ACOX1: variants seen among roughly 807,000 people sequenced by gnomAD.
ACOX1 encodes the protein peroxisomal acyl-coenzyme A oxidase 1.
Under a neutral mutation model 75.5 loss-of-function variants are expected in ACOX1, and 41 were observed. The observed-to-expected ratio is 0.54, with a 90% CI of 0.42 to 0.70. ACOX1 has a LOEUF of 0.70. ACOX1 is among the 30% of genes least tolerant of loss of function. The pLI, the probability that ACOX1 is intolerant of heterozygous loss-of-function variation, is 0.00. For synonymous variants in ACOX1, 303 were observed against 298.8 expected, an observed-to-expected ratio of 1.01 and a Z score of -0.15; for missense variants, 630 against 837.5, an observed-to-expected ratio of 0.75 and a Z score of 3.06.
At chr17:75,977,736 TATTC>T (rs1379365673) in intron 2 of ACOX1, among the ~76,000 whole-genome samples, 1 of 152,074 alleles carries the variant, frequency 6.6e-6, no homozygotes, top group African/African-American at 2.4e-5. Flanking sequence ...TTAGACTTTC[TATTC>T]ATTCAGAGGC....
In ACOX1 at chr17:75,950,264, G is replaced by A. The variant is rs1426360734; in HGVS notation, c.1299-367C>T. Among the ~76,000 whole-genome samples, 1 of 140,936 alleles carries A rather than the reference G, an allele frequency of 7.1e-6. No homozygotes were observed. The highest frequency in any genetic ancestry group is 2.1e-4 in the East Asian group (1 of 4,658). 92.5% of individuals were successfully genotyped at this position (140,936 alleles called of 152,430 possible). The stretch of plus-strand genomic sequence containing the variant: ...CACCACACCTGGCCTTTTTTTTTTT[G>A]ATGGAGTTTTCGCTCTTGTTGCCCA... On this transcript the variant is annotated intron_variant, in intron 9 of 13. Transcript: ENST00000293217. This position sits in a 1 kb window ranked among gnomAD's most constrained non-coding sequence, Gnocchi z 4.3.
rs1325041399 is a variant in ACOX1, at chr17:75,960,894, C to G, written c.270-519G>C. Among the ~76,000 whole-genome samples the G allele has an allele frequency of 6.6e-6, 1 of 152,162 alleles. No individual in the cohort carries two copies. The highest frequency in any genetic ancestry group is 1.5e-5 in the Non-Finnish European group (1 of 68,038). On this transcript the variant is annotated intron_variant, in intron 2 of 13. Transcript: ENST00000293217. The surrounding 1 kb of genome is among the most constrained non-coding windows in gnomAD (Gnocchi z 4.4). The stretch of plus-strand genomic sequence containing the variant: ...TTGGGAGCCTGAGGCAGGAAAATCG[C>G]TTGAACCTAGGAGGCGGAGGTTGCA...
intron 2 of ACOX1, among the ~76,000 whole-genome samples, chr17:75,977,335 G>A (rs773555784): frequency 2.0e-5 from 3 of 151,896 alleles, no homozygotes; most frequent in Admixed American, 2.0e-4. Context: ...GTTCCTTGTG[G>A]AGCAGGGTGG....
In ACOX1 at chr17:75,960,250, A is replaced by C; in HGVS notation, c.395T>G (p.Ile132Ser). The C allele has an allele frequency of 1.9e-6, 3 of 1,614,166 alleles. No homozygotes were observed. The highest frequency in any genetic ancestry group is 2.5e-6 in the Non-Finnish European group (3 of 1,180,018). The change falls in exon 3 of 14, where the codon ATC becomes AGC. Residue 132 changes from isoleucine (I) to serine (S), a missense_variant. Ile to Ser is a moderately radical substitution (Grantham distance 142). Around this residue, in one of 2 missense-constraint regions of ACOX1, gnomAD observed 390 missense variants for 574.9 expected, o/e 0.68. Transcript: ENST00000293217. This position sits in a 1 kb window ranked among gnomAD's most constrained non-coding sequence, Gnocchi z 4.4. ...RFFMPAWNLE[I>S]IGTYAQTEMG... Reference sequence around the variant, plus strand: ...CTCTGTCTGGGCATAAGTGCCAATGATCTCCAAGTTCCAGGCGGGCATGAA... The same window carrying C: ...CTCTGTCTGGGCATAAGTGCCAATGCTCTCCAAGTTCCAGGCGGGCATGAA...
rs114161619 is a variant in ACOX1, at chr17:75,960,493, G to A, written c.270-118C>T. On this transcript the variant is annotated intron_variant, in intron 2 of 13. Transcript: ENST00000293217. The surrounding 1 kb of genome is among the most constrained non-coding windows in gnomAD (Gnocchi z 4.4). ...AAAACCTTAAGTATGAATTAGTTGCGTGCACTTAATCATAGATGGGAGCAC... is the reference window on the plus strand; with the variant it reads ...AAAACCTTAAGTATGAATTAGTTGCATGCACTTAATCATAGATGGGAGCAC... 9.2e-4 allele frequency: 918 copies of A among 999,970 alleles called. 5 individuals carry two copies. In the African/African-American group the frequency reaches 0.011, roughly 12 times the overall value. 61.9% of individuals were successfully genotyped at this position (999,970 alleles called of 1,614,324 possible). A position where few individuals can be genotyped will look rare whatever the true frequency, so the allele number is the denominator to read the frequency against.
chr17:75,965,418 T>C (rs1245244434), intron 2 of ACOX1, among the ~76,000 whole-genome samples: 1 of 138,800 alleles, frequency 7.2e-6, no homozygotes, highest in Non-Finnish European at 1.6e-5. Context: ...AGGAAAGAAA[T>C]AGCTTCCCAA....
At chr17:75,967,618 AC>A in intron 2 of ACOX1, among the ~76,000 whole-genome samples, 1 of 130,576 alleles carries the variant, frequency 7.7e-6, no homozygotes, top group Non-Finnish European at 1.5e-5. Flanking sequence ...ATATATACAT[AC>A]ATATATATAT....
chr17:75,979,158 C>G lies in ACOX1; in HGVS notation c.-85G>C. 1.9e-6 allele frequency: 3 copies of G among 1,546,446 alleles called. No individual in the cohort carries two copies. Among genetic ancestry groups the G allele is most frequent in the East Asian group, 2.4e-5 (1 of 42,084 alleles). On this transcript the variant is annotated 5_prime_UTR_variant, in exon 1 of 14. Transcript: ENST00000293217. ...CCGCAGCTCCAGCGCCGGCCGGACCCTAGGAGGCAGCCTCAGGACGGCGCA... is the reference window on the plus strand; with the variant it reads ...CCGCAGCTCCAGCGCCGGCCGGACCGTAGGAGGCAGCCTCAGGACGGCGCA...
chr17:75,949,740 C>CTTCGGTTAGGCTT lies in ACOX1; in HGVS notation c.1443_1455dup (p.Ala486LysfsTer7). 1 of 1,614,132 alleles carries CTTCGGTTAGGCTT rather than the reference C, an allele frequency of 6.2e-7. No individual in the cohort carries two copies. The highest frequency in any genetic ancestry group is 8.5e-7 in the Non-Finnish European group (1 of 1,180,028). On this transcript the variant is annotated frameshift_variant, in exon 10 of 14. Coordinates refer to ENST00000293217, the MANE Select transcript of ACOX1 (RefSeq NM_004035.7). LOFTEE classifies it high-confidence loss of function. ...CACCTGGCTGCACGGAGTTTATATG[C>CTTCGGTTAGGCTT]TTCGGTTAGGCTTTCGGGGCTGTTG...
chr17:75,965,578 C>T (rs775841685), intron 2 of ACOX1, among the ~76,000 whole-genome samples: 23 of 143,618 alleles, frequency 1.6e-4, no homozygotes, highest in African/African-American at 2.3e-4. Flanking sequence ...ACCAAATACA[C>T]GTATCTTGAA....
intron 2 of ACOX1, among the ~76,000 whole-genome samples, chr17:75,968,133 G>C (rs56188825): frequency 0.05 from 7,518 of 151,276 alleles, 205 homozygotes; most frequent in East Asian, 0.095. Flanking sequence ...AAAACATTAA[G>C]TGTTAGAAAT....
At chr17:75,976,090 G>A (rs1206501289) in intron 2 of ACOX1, among the ~76,000 whole-genome samples, 2 of 152,052 alleles carry the variant, frequency 1.3e-5, no homozygotes, top group Non-Finnish European at 2.9e-5. Flanking sequence ...TTATATAACC[G>A]AGGCTTTAAC....
intron 6 of ACOX1, among the ~76,000 whole-genome samples, chr17:75,954,657 T>C (rs1340818786): frequency 9.5e-5 from 13 of 136,946 alleles, no homozygotes; most frequent in Admixed American, 1.5e-4. Flanking sequence ...CTGCAACCTC[T>C]GCCTCCTGGG....
In ACOX1 at chr17:75,951,398, T is replaced by C. The variant is rs1185695992; in HGVS notation, c.1107+17A>G. 3 of 1,613,946 alleles carry C rather than the reference T, an allele frequency of 1.9e-6. No individual in the cohort carries two copies. Among genetic ancestry groups the C allele is most frequent in the Middle Eastern group, 3.4e-4 (2 of 5,964 alleles). ...AAACAGAAGGGTGCCCATGAGTGAA[T>C]GAGACCAAACTCATACCTCAGGCAG... On this transcript the variant is annotated intron_variant, in intron 8 of 13. Transcript: ENST00000293217.
intron 2 of ACOX1, among the ~76,000 whole-genome samples, chr17:75,964,334 G>A (rs2065912198): frequency 6.6e-6 from 1 of 152,066 alleles, no homozygotes; most frequent in Non-Finnish European, 1.5e-5. Flanking sequence ...AACCTGGAAG[G>A]TGAAAACTGA....
chr17:75,954,046 ATC>A (rs542969253), intron 6 of ACOX1, among the ~76,000 whole-genome samples: 25 of 152,176 alleles, frequency 1.6e-4, no homozygotes, highest in Non-Finnish European at 3.1e-4. Context: ...GTGAAACCCC[ATC>A]TCTACTAAAA....
At chr17:75,975,428 G>A (rs1306034024) in intron 2 of ACOX1, among the ~76,000 whole-genome samples, 7 of 152,096 alleles carry the variant, frequency 4.6e-5, no homozygotes, top group Non-Finnish European at 8.8e-5. Context: ...CAAAGTGCTG[G>A]GATTACAGGC....
At chr17:75,953,120 T>C (rs2065789579) in intron 7 of ACOX1, 1 of 306,424 alleles carries the variant, frequency 3.3e-6, no homozygotes, top group South Asian at 3.0e-5. Context: ...CTAGTAGTAA[T>C]CAGAACTTTC....
intron 2 of ACOX1, among the ~76,000 whole-genome samples, chr17:75,971,822 AG>A (rs971979401): frequency 6.6e-6 from 1 of 152,122 alleles, no homozygotes; most frequent in Middle Eastern, 3.2e-3. Flanking sequence ...GACCAACAAG[AG>A]GTAAGAGGTA....
Sources: allele counts gnomAD v4.1 joint callset (sites outside exome capture counted in the v4.1 genomes callset), GRCh38; gene constraint gnomAD v4.1.1; regional missense constraint gnomAD v4.1.1; non-coding constraint Gnocchi (gnomAD v3.1); transcripts MANE v1.5; gene names NCBI Gene and HGNC (gene_info 2026-07-23, HGNC 2026-07-21).